YBEY: variants seen among roughly 807,000 people sequenced by gnomAD.
The protein encoded by YBEY is endoribonuclease YbeY.
Under a neutral mutation model 13.5 loss-of-function variants are expected in YBEY, and 15 were observed. The observed-to-expected ratio is 1.11, with a 90% confidence interval of 0.75 to 1.72. The LOEUF is 1.72. Ranked by LOEUF, YBEY falls within the 40% of genes most tolerant of loss-of-function variation. The pLI is 0.00. For missense variants in YBEY, 244 were observed against 208.4 expected (o/e 1.17, Z -1.05); for synonymous variants, 101 against 83.1 (o/e 1.21, Z -1.17).
At chr21:46,301,174 C>G, downstream of YBEY, 1 of 749,330 alleles carries the variant, frequency 1.3e-6, no homozygotes, top group Non-Finnish European at 1.6e-6. Flanking sequence ...CAGGGGCCTG[C>G]TCTGTGGTCC....
At chr21:46,292,197 TC>T (rs2081744801) in intron 3 of YBEY, 1 of 152,230 alleles carries the variant, frequency 6.6e-6, no homozygotes, top group Non-Finnish European at 1.5e-5. Context: ...AAAAGACCAT[TC>T]TTAGGTTGTA....
the YBEY span, among the ~76,000 whole-genome samples, chr21:46,305,359 TCA>T: frequency 7.0e-6 from 1 of 142,286 alleles, no homozygotes; most frequent in Non-Finnish European, 1.5e-5. Flanking sequence ...AGACAGGGTC[TCA>T]CTCTGTTGCC....
In YBEY at chr21:46,286,632, C is replaced by T. The variant is rs543404866; in HGVS notation, c.-45+217C>T. 412 of 278,140 alleles carry T rather than the reference C, an allele frequency of 1.5e-3. 1 individual carries two copies. The highest frequency in any genetic ancestry group is 2.3e-3 in the Non-Finnish European group (343 of 148,654). The allele number at this position is 278,140 out of a possible 1,614,324, so 17.2% of individuals were successfully genotyped here. ...CTCTCCGCGCGCACCCCCAACCCGC[C>T]CCCTTTTCTCTGGGAACCGCTCCTT... is the stretch of plus-strand genomic sequence containing the variant. On this transcript the variant is annotated intron_variant, in intron 1 of 4. Transcript: ENST00000397701.
downstream of YBEY, chr21:46,297,823 G>C (rs979768517): frequency 2.2e-5 from 26 of 1,197,928 alleles, no homozygotes; most frequent in Admixed American, 4.3e-5. Flanking sequence ...GGCGTCTGGA[G>C]TTCAGGGAAC....
chr21:46,306,156 G>A, the YBEY span, among the ~76,000 whole-genome samples: 59 of 151,864 alleles, frequency 3.9e-4, no homozygotes, highest in African/African-American at 1.4e-3. Context: ...TCCTTAGAAA[G>A]TGGTGAGATA....
the YBEY span, among the ~76,000 whole-genome samples, chr21:46,310,847 A>G: frequency 4.6e-5 from 7 of 151,318 alleles, no homozygotes; most frequent in African/African-American, 1.7e-4. Flanking sequence ...AAATTTTAAA[A>G]ATCAAGTATT....
downstream of YBEY, chr21:46,297,843 C>T: frequency 1.8e-6 from 2 of 1,138,028 alleles, no homozygotes; most frequent in Non-Finnish European, 1.1e-6. Flanking sequence ...CGCGTGGCCC[C>T]CGCCCGGGAG....
intron 3 of YBEY, among the ~76,000 whole-genome samples, chr21:46,292,497 GATTAAATTCCTCCC>G: frequency 1.3e-5 from 2 of 151,872 alleles, no homozygotes; most frequent in African/African-American, 2.4e-5. Context: ...TTAAACTCTA[GATTAAATTCCTCCC>G]GTGGTTAGCT....
At chr21:46,290,436 C>T (rs1028549662) in intron 2 of YBEY, among the ~76,000 whole-genome samples, 16 of 151,908 alleles carry the variant, frequency 1.1e-4, no homozygotes, top group Non-Finnish European at 1.8e-4. Context: ...AAACCCCTGA[C>T]CTCTTGATCT....
chr21:46,295,776 C>G (rs992104899), intron 3 of YBEY, among the ~76,000 whole-genome samples: 2 of 152,118 alleles, frequency 1.3e-5, no homozygotes, highest in Non-Finnish European at 2.9e-5. Flanking sequence ...CCTCGTCCCT[C>G]TTAGGGCAGG....
intron 4 of YBEY, 144 bp from the exon 5 acceptor site, chr21:46,297,395 G>C: frequency 1.9e-6 from 1 of 513,048 alleles, no homozygotes; most frequent in Non-Finnish European, 2.5e-6. Flanking sequence ...CCGGAGCCGG[G>C]TCCCGCCTTC....
At chr21:46,308,589 G>T in the YBEY span, among the ~76,000 whole-genome samples, 1 of 152,164 alleles carries the variant, frequency 6.6e-6, no homozygotes, top group African/African-American at 2.4e-5. Flanking sequence ...TTGGCCATAA[G>T]CGAAAACAAG....
chr21:46,300,105 C>A (rs1428998438), downstream of YBEY: 2 of 152,484 alleles, frequency 1.3e-5, no homozygotes, highest in Non-Finnish European at 2.9e-5. Flanking sequence ...TGTGACATTT[C>A]TTCCCTCTGT....
chr21:46,311,592 A>C, the YBEY span: 10 of 1,424,778 alleles, frequency 7.0e-6, no homozygotes, highest in Non-Finnish European at 8.8e-6. Context: ...GTGATTAGCT[A>C]TCTGCATATG....
downstream of YBEY, chr21:46,302,192 G>C: frequency 7.0e-7 from 1 of 1,438,444 alleles, no homozygotes. Context: ...ACGCAGCCCA[G>C]GCTGCTCCCC....
the YBEY span, among the ~76,000 whole-genome samples, chr21:46,312,291 T>C: frequency 6.6e-6 from 1 of 152,122 alleles, no homozygotes; most frequent in Non-Finnish European, 1.5e-5. Flanking sequence ...AATTCTGCTT[T>C]AATAGGAGCA....
At chr21:46,306,310 C>G in the YBEY span, among the ~76,000 whole-genome samples, 2 of 151,736 alleles carry the variant, frequency 1.3e-5, no homozygotes, top group African/African-American at 4.8e-5. Context: ...GACCATCTGG[C>G]CAACATGGTG....
intron 2 of YBEY, among the ~76,000 whole-genome samples, chr21:46,288,551 T>C (rs529986880): frequency 5.9e-5 from 9 of 152,186 alleles, no homozygotes; most frequent in Admixed American, 5.9e-4. Flanking sequence ...TGGTGGCATT[T>C]GCCTGTAATC....
At chr21:46,294,780 A>T (rs1289537553) in intron 3 of YBEY, among the ~76,000 whole-genome samples, 1 of 147,356 alleles carries the variant, frequency 6.8e-6, no homozygotes, top group African/African-American at 2.5e-5. Flanking sequence ...AAAAAAAGGA[A>T]AAGCATTCTG....
Sources: allele counts gnomAD v4.1 joint callset (sites outside exome capture counted in the v4.1 genomes callset), GRCh38; gene constraint gnomAD v4.1.1; transcripts MANE v1.5; gene names NCBI Gene and HGNC (gene_info 2026-07-23, HGNC 2026-07-21).